The following CDH13 variants were observed in gnomAD, a reference collection of about 807,000 sequenced individuals.
CDH13 encodes cadherin-13.
In CDH13, 24 loss-of-function variants were observed where a neutral mutation model predicts 63.8. The ratio of observed to expected loss-of-function variants is 0.38; its 90% CI spans 0.27 to 0.53. CDH13 has a LOEUF of 0.53. Among genes scored for constraint, CDH13 ranks in the 20% least tolerant of loss-of-function variants. The pLI is 0.85. For missense variants in CDH13, 1,049 were observed against 903.1 expected (o/e 1.16, Z -2.07); for synonymous variants, 503 against 355.3 (o/e 1.42, Z -4.67).
chr16:83,609,430 G>A (rs774406889), intron 8 of CDH13, among the ~76,000 whole-genome samples: 2 of 152,094 alleles, frequency 1.3e-5, no homozygotes, highest in South Asian at 2.1e-4. Flanking sequence ...CCACATCCTC[G>A]TATGAGGCAT....
At chr16:83,174,202 G>T (rs183512019) in intron 4 of CDH13, among the ~76,000 whole-genome samples, 3 of 152,006 alleles carry the variant, frequency 2.0e-5, no homozygotes, top group Admixed American at 6.6e-5. Flanking sequence ...AGGTCAGTTC[G>T]GGGTCTGTCA....
intron 3 of CDH13, among the ~76,000 whole-genome samples, chr16:83,043,759 T>G (rs1917537284): frequency 6.6e-6 from 1 of 151,168 alleles, no homozygotes; most frequent in African/African-American, 2.4e-5. Flanking sequence ...CTCAGGAGGC[T>G]GAGGCAGGGG....
At chr16:83,663,772 G>A (rs1232611120) in intron 8 of CDH13, among the ~76,000 whole-genome samples, 1 of 152,072 alleles carries the variant, frequency 6.6e-6, no homozygotes, top group Non-Finnish European at 1.5e-5. Context: ...TCTTTCCTGT[G>A]TGAGCTACCT....
chr16:83,189,499 G>A (rs1314168932), intron 4 of CDH13, among the ~76,000 whole-genome samples: 1 of 152,220 alleles, frequency 6.6e-6, no homozygotes, highest in African/African-American at 2.4e-5. Context: ...GAACACAGAG[G>A]TTGTATGTGA....
intron 5 of CDH13, among the ~76,000 whole-genome samples, chr16:83,262,832 T>C (rs1357893248): frequency 6.6e-6 from 1 of 152,206 alleles, no homozygotes; most frequent in Non-Finnish European, 1.5e-5. Flanking sequence ...AAAAGCTTTC[T>C]CCCAACGCTT....
chr16:83,092,267 C>T (rs1422073579), intron 3 of CDH13, among the ~76,000 whole-genome samples: 1 of 152,182 alleles, frequency 6.6e-6, no homozygotes, highest in Non-Finnish European at 1.5e-5. Context: ...AATTCAAGTC[C>T]AGTAGGGTCT....
At chr16:83,214,408 C>A (rs1353027577) in intron 4 of CDH13, among the ~76,000 whole-genome samples, 1 of 151,630 alleles carries the variant, frequency 6.6e-6, no homozygotes, top group East Asian at 1.9e-4. Context: ...GGGGAAAACC[C>A]ATCTCTACTA....
At chr16:82,744,731 A>T (rs1406390380) in intron 1 of CDH13, among the ~76,000 whole-genome samples, 1 of 152,180 alleles carries the variant, frequency 6.6e-6, no homozygotes, top group South Asian at 2.1e-4. Flanking sequence ...TTCTATACAC[A>T]TGATCGCATT....
At chr16:83,407,014 A>T (rs2092058041) in intron 6 of CDH13, among the ~76,000 whole-genome samples, 1 of 152,250 alleles carries the variant, frequency 6.6e-6, no homozygotes, top group South Asian at 2.1e-4. Flanking sequence ...CAAATGCCTG[A>T]TGAAAGCTGA....
At chr16:83,191,767 C>G (rs1479470292) in intron 4 of CDH13, among the ~76,000 whole-genome samples, 1 of 151,700 alleles carries the variant, frequency 6.6e-6, no homozygotes, top group Non-Finnish European at 1.5e-5. Flanking sequence ...CTAGGCTTTT[C>G]ACGTTTTTCT....
At chr16:83,286,180 A>C (rs112305524) in intron 5 of CDH13, among the ~76,000 whole-genome samples, 5,798 of 152,274 alleles carry the variant, frequency 0.038, 234 homozygotes, top group African/African-American at 0.1. Context: ...CAAACACCTC[A>C]AGGAGTTTCG....
chr16:82,808,986 T>G (rs996242391), intron 1 of CDH13, among the ~76,000 whole-genome samples: 2 of 152,232 alleles, frequency 1.3e-5, no homozygotes, highest in African/African-American at 4.8e-5. Flanking sequence ...TCTGTAGATA[T>G]GTGTATATGT....
At chr16:82,797,630 T>G (rs2036647355) in intron 1 of CDH13, among the ~76,000 whole-genome samples, 1 of 152,174 alleles carries the variant, frequency 6.6e-6, no homozygotes, top group South Asian at 2.1e-4. Flanking sequence ...ACATGTTGAT[T>G]CTCATTTACC....
At chr16:82,742,466 T>C (rs13331334) in intron 1 of CDH13, among the ~76,000 whole-genome samples, 10,215 of 152,240 alleles carry the variant, frequency 0.067, 1,144 homozygotes, top group African/African-American at 0.23. Context: ...CTCTAAGTTA[T>C]TGATTATGTA....
intron 3 of CDH13, among the ~76,000 whole-genome samples, chr16:83,048,580 G>A (rs80308941): frequency 1.3e-5 from 2 of 152,036 alleles, no homozygotes; most frequent in African/African-American, 4.8e-5. Flanking sequence ...GGCCTTGCGG[G>A]TTCCTCTGCT....
Position 82,916,261 on chromosome 16 carries a change from C to T in CDH13, c.157+57788C>T, listed in dbSNP as rs574765540. Reference sequence around the variant, plus strand: ...GGCCCAGTGTAGAAGGTGAGAGATTCGTGTAAAATGATTCAAATAAAAGGA... The same window carrying T: ...GGCCCAGTGTAGAAGGTGAGAGATTTGTGTAAAATGATTCAAATAAAAGGA... On this transcript the variant is annotated intron_variant, in intron 2 of 13. Coordinates refer to ENST00000567109, the MANE Select transcript of CDH13 (RefSeq NM_001257.5). Among the ~76,000 whole-genome samples, 6 of 152,060 alleles carry T rather than the reference C, an allele frequency of 3.9e-5. No homozygotes were observed. The South Asian group carries it at 6.2e-4, about 16-fold the overall frequency.
intron 3 of CDH13, among the ~76,000 whole-genome samples, chr16:83,037,268 C>A (rs1043150042): frequency 1.3e-5 from 2 of 152,168 alleles, no homozygotes; most frequent in African/African-American, 4.8e-5. Context: ...CGAGATTACC[C>A]CTTCCTGCAG....
At chr16:82,634,313 G>T (rs1908387736) in intron 1 of CDH13, among the ~76,000 whole-genome samples, 1 of 152,216 alleles carries the variant, frequency 6.6e-6, no homozygotes. Context: ...GCTTTCTTGT[G>T]TTGTGTGCTG....
In CDH13 at chr16:83,030,681, G is replaced by A. The variant is rs541608331; in HGVS notation, c.158-1329G>A. ...AAAAAAAAGCACCCTGTGTGATTCT[G>A]ATGCACCCCAATCCTTGAGAAGCAC... On this transcript the variant is annotated intron_variant, in intron 2 of 13. Transcript: ENST00000567109. Among the ~76,000 whole-genome samples the A allele has an allele frequency of 7.2e-5, 10 of 139,056 alleles. No individual in the cohort carries two copies. In the East Asian group the frequency reaches 2.2e-3, roughly 31 times the overall value. 91.2% of individuals were successfully genotyped at this position (139,056 alleles called of 152,430 possible).
Sources: allele counts gnomAD v4.1 joint callset (sites outside exome capture counted in the v4.1 genomes callset), GRCh38; gene constraint gnomAD v4.1.1; transcripts MANE v1.5; gene names NCBI Gene and HGNC (gene_info 2026-07-23, HGNC 2026-07-21).